OSBPL1A: variants seen among roughly 807,000 people sequenced by gnomAD.
OSBPL1A encodes the protein oxysterol-binding protein-related protein 1.
A neutral mutation model predicts 137.1 loss-of-function variants in OSBPL1A; 80 were observed. The ratio of observed to expected loss-of-function variants is 0.58; its 90% CI spans 0.49 to 0.70. The LOEUF (loss-of-function observed/expected upper bound fraction) is 0.70. OSBPL1A is among the 30% of genes least tolerant of loss of function. The pLI, the probability that OSBPL1A is intolerant of heterozygous loss-of-function variation, is 0.00. For missense variants in OSBPL1A, 970 were observed against 1,129.4 expected (o/e 0.86, Z 2.02); for synonymous variants, 365 against 389.7 (o/e 0.94, Z 0.75).
chr18:24,243,839 AT>A (rs1195351606), intron 15 of OSBPL1A, among the ~76,000 whole-genome samples: 1 of 152,242 alleles, frequency 6.6e-6, no homozygotes, highest in Non-Finnish European at 1.5e-5. Flanking sequence ...CAAAATGGCA[AT>A]TTCTCCTGTC....
At chr18:24,361,845 A>G (rs1220973721) in intron 4 of OSBPL1A, among the ~76,000 whole-genome samples, 1 of 152,088 alleles carries the variant, frequency 6.6e-6, no homozygotes, top group Non-Finnish European at 1.5e-5. Flanking sequence ...TGTCTCTACT[A>G]AAAATACACA....
intron 17 of OSBPL1A, among the ~76,000 whole-genome samples, chr18:24,204,443 C>T (rs747967212): frequency 1.3e-5 from 2 of 151,974 alleles, no homozygotes; most frequent in Non-Finnish European, 2.9e-5. Flanking sequence ...CTAGATTGTA[C>T]ATGGTACCAT....
chr18:24,228,220 A>C (rs1599528279), intron 16 of OSBPL1A, among the ~76,000 whole-genome samples: 8 of 141,722 alleles, frequency 5.6e-5, no homozygotes, highest in South Asian at 2.3e-4. Flanking sequence ...AGCCCGACTC[A>C]CCCCCTCTGT....
At chr18:24,354,567 A>G (rs900567647) in intron 4 of OSBPL1A, among the ~76,000 whole-genome samples, 1 of 152,054 alleles carries the variant, frequency 6.6e-6, no homozygotes, top group Non-Finnish European at 1.5e-5. Context: ...GATGCCTTCA[A>G]TGGGCTCATC....
chr18:24,325,874 C>G (rs554398526), intron 7 of OSBPL1A, among the ~76,000 whole-genome samples: 1 of 152,256 alleles, frequency 6.6e-6, no homozygotes, highest in South Asian at 2.1e-4. Context: ...GATGGATTAA[C>G]CAATTTGATT....
intron 16 of OSBPL1A, among the ~76,000 whole-genome samples, chr18:24,233,346 A>AT (rs1192620936): frequency 6.6e-6 from 1 of 151,982 alleles, no homozygotes; most frequent in Non-Finnish European, 1.5e-5. Flanking sequence ...AACAAATGTC[A>AT]TTTTCTAATA....
intron 2 of OSBPL1A, among the ~76,000 whole-genome samples, chr18:24,375,108 A>C (rs1172069284): frequency 6.6e-6 from 1 of 152,082 alleles, no homozygotes; most frequent in Non-Finnish European, 1.5e-5. Flanking sequence ...TGAGACCAGG[A>C]GTTCAAGACC....
intron 18 of OSBPL1A, among the ~76,000 whole-genome samples, chr18:24,184,688 C>T (rs977837943): frequency 6.6e-6 from 1 of 152,142 alleles, no homozygotes; most frequent in Admixed American, 6.6e-5. Context: ...CCTTGGGAAA[C>T]GGACACTATC....
chr18:24,358,253 T>C, intron 4 of OSBPL1A: 1 of 539,732 alleles, frequency 1.9e-6, no homozygotes, highest in South Asian at 2.7e-5. Context: ...TTCCAGAGTA[T>C]CCACGTATCC....
chr18:24,330,480 T>G (rs1192341495), intron 7 of OSBPL1A, among the ~76,000 whole-genome samples: 1 of 151,278 alleles, frequency 6.6e-6, no homozygotes, highest in Non-Finnish European at 1.5e-5. Context: ...TATTTAGAGA[T>G]AAAACTTTTT....
intron 7 of OSBPL1A, among the ~76,000 whole-genome samples, chr18:24,330,821 A>C (rs930918081): frequency 6.7e-6 from 1 of 148,306 alleles, no homozygotes; most frequent in African/African-American, 2.5e-5. Context: ...TTTGAGACAG[A>C]GTCTCACTCT....
intron 11 of OSBPL1A, among the ~76,000 whole-genome samples, chr18:24,315,657 TATA>T (rs912104763): frequency 1.8e-5 from 2 of 114,030 alleles, no homozygotes; most frequent in Non-Finnish European, 3.1e-5. Context: ...AATATAAAAT[TATA>T]ATATAATATA....
intron 4 of OSBPL1A, among the ~76,000 whole-genome samples, chr18:24,350,053 G>T (rs7244110): frequency 0.23 from 34,819 of 152,114 alleles, 4,559 homozygotes; most frequent in East Asian, 0.51. Flanking sequence ...ATCTGACCCC[G>T]AACATTTTTT....
At chr18:24,209,878 C>T (rs2087481968) in intron 17 of OSBPL1A, among the ~76,000 whole-genome samples, 1 of 152,150 alleles carries the variant, frequency 6.6e-6, no homozygotes, top group African/African-American at 2.4e-5. Flanking sequence ...GGGGGATCGA[C>T]TGAAAGGAGT....
intron 14 of OSBPL1A, among the ~76,000 whole-genome samples, chr18:24,301,652 G>A (rs115864830): frequency 7.6e-4 from 115 of 152,230 alleles, no homozygotes; most frequent in African/African-American, 2.7e-3. Context: ...ATATGACACC[G>A]TTATTATCTT....
intron 15 of OSBPL1A, among the ~76,000 whole-genome samples, chr18:24,249,253 C>A (rs1206792098): frequency 6.6e-6 from 1 of 152,198 alleles, no homozygotes; most frequent in Non-Finnish European, 1.5e-5. Context: ...TATGCACGTC[C>A]ATGTGTCATT....
chr18:24,343,451 T>G (rs2091300911), intron 4 of OSBPL1A, among the ~76,000 whole-genome samples: 1 of 152,110 alleles, frequency 6.6e-6, no homozygotes, highest in Non-Finnish European at 1.5e-5. Flanking sequence ...CTAACGACAT[T>G]TTTACAGAAA....
chr18:24,189,688 C>G lies in OSBPL1A; in HGVS notation c.1677+6437G>C, dbSNP rs149495088. On this transcript the variant is annotated intron_variant, in intron 18 of 27. Coordinates refer to ENST00000319481, the MANE Select transcript of OSBPL1A (RefSeq NM_080597.4). ...CTCCACACGATGCCTAGCATCTCAT[C>G]TATTAGTTTATCACTGCATGAGGTT... Among the ~76,000 whole-genome samples, 1,107 of 152,342 alleles carry G rather than the reference C, an allele frequency of 7.3e-3. 15 individuals carry two copies. The highest frequency in any genetic ancestry group is 8.1e-3 in the Non-Finnish European group (549 of 68,028).
intron 13 of OSBPL1A, among the ~76,000 whole-genome samples, chr18:24,309,429 C>T (rs2090572369): frequency 6.6e-6 from 1 of 152,182 alleles, no homozygotes; most frequent in Non-Finnish European, 1.5e-5. Context: ...AGTGATCCTT[C>T]CACCTCAGCC....
Sources: allele counts gnomAD v4.1 joint callset (sites outside exome capture counted in the v4.1 genomes callset), GRCh38; gene constraint gnomAD v4.1.1; transcripts MANE v1.5; gene names NCBI Gene and HGNC (gene_info 2026-07-23, HGNC 2026-07-21).